The following PDZD2 variants were observed in gnomAD, a reference collection of about 807,000 sequenced individuals.
The protein encoded by PDZD2 is PDZ domain-containing protein 2.
Under a neutral mutation model 220.7 loss-of-function variants are expected in PDZD2, and 90 were observed. The ratio of observed to expected loss-of-function variants is 0.41; its 90% CI spans 0.34 to 0.49. The LOEUF (loss-of-function observed/expected upper bound fraction) is 0.49, where lower values mean the gene tolerates loss of function less well. Among genes scored for constraint, PDZD2 ranks in the 20% least tolerant of loss-of-function variants. PDZD2 has a pLI of 0.28. For missense variants in PDZD2, 3,174 were observed against 3,608.5 expected, an observed-to-expected ratio of 0.88 and a Z score of 3.08; for synonymous variants, 1,375 against 1,450.5, an observed-to-expected ratio of 0.95 and a Z score of 1.18.
rs552992061 is a variant in PDZD2 at position 31,929,441 on chromosome 5, C to T, written c.477-53714C>T. Reference sequence around the variant, plus strand: ...TAGATGCCAGCAGCAATGCCCCACCCATCCTAGTTGTGACAGTTTAAAATA... The same window carrying T: ...TAGATGCCAGCAGCAATGCCCCACCTATCCTAGTTGTGACAGTTTAAAATA... On this transcript the variant is annotated intron_variant, in intron 2 of 24. Coordinates refer to ENST00000438447, the MANE Select transcript of PDZD2 (RefSeq NM_178140.4). Among the ~76,000 whole-genome samples, 82 of 152,360 alleles carry T rather than the reference C, an allele frequency of 5.4e-4. 3 individuals are homozygous for T. The highest frequency in any genetic ancestry group is 7.2e-4 in the Admixed American group (11 of 15,306).
intron 14 of PDZD2, among the ~76,000 whole-genome samples, chr5:32,061,586 A>T (rs2112346050): frequency 6.6e-6 from 1 of 152,280 alleles, no homozygotes; most frequent in African/African-American, 2.4e-5. Flanking sequence ...TTTATTTTTA[A>T]AACAGTTTCA....
At chr5:31,779,146 C>T (rs747604226) in intron 1 of PDZD2, among the ~76,000 whole-genome samples, 45 of 152,064 alleles carry the variant, frequency 3.0e-4, no homozygotes, top group Non-Finnish European at 5.7e-4. Flanking sequence ...CAAACTACAC[C>T]TGTACACTAA....
Position 32,108,633 on chromosome 5 carries a change from G to A in PDZD2, c.*498G>A, listed in dbSNP as rs896956075. 6.5e-6 allele frequency: 1 copy of A among 152,870 alleles called. No individual in the cohort carries two copies. The highest frequency in any genetic ancestry group is 2.4e-5 in the African/African-American group (1 of 41,432). The allele number at this position is 152,870 out of a possible 1,614,324, so 9.5% of individuals were successfully genotyped here. Reference sequence around the variant, plus strand: ...GGCACATTCAATGGAAGGAGGAGATGTAGGTCTGTATATGTTACCCTGAAA... The same window carrying A: ...GGCACATTCAATGGAAGGAGGAGATATAGGTCTGTATATGTTACCCTGAAA... On this transcript the variant is annotated 3_prime_UTR_variant, in exon 25 of 25. Coordinates refer to ENST00000438447, the MANE Select transcript of PDZD2 (RefSeq NM_178140.4).
At chr5:31,852,303 CTG>C (rs1382018349) in intron 2 of PDZD2, among the ~76,000 whole-genome samples, 10 of 151,852 alleles carry the variant, frequency 6.6e-5, no homozygotes, top group African/African-American at 2.4e-4. Flanking sequence ...ATTTTTGAGA[CTG>C]AGCATTGCTG....
intron 5 of PDZD2, among the ~76,000 whole-genome samples, chr5:32,001,046 G>A (rs908079354): frequency 2.6e-5 from 4 of 152,306 alleles, no homozygotes; most frequent in Non-Finnish European, 5.9e-5. Context: ...GGTTGCACGC[G>A]TCTTATGAGA....
At chr5:31,856,129 G>GTT (rs538172751) in intron 2 of PDZD2, among the ~76,000 whole-genome samples, 1 of 152,182 alleles carries the variant, frequency 6.6e-6, no homozygotes, top group Non-Finnish European at 1.5e-5. Context: ...CTCTTACACT[G>GTT]TTTTGTAACT....
chr5:31,831,912 A>C (rs1466056086), intron 2 of PDZD2, among the ~76,000 whole-genome samples: 1 of 48,964 alleles, frequency 2.0e-5, no homozygotes, highest in South Asian at 4.8e-4. Context: ...AGACTGTTTC[A>C]AAAAAAAAAA....
At chr5:31,923,289 A>G (rs1235266453) in intron 2 of PDZD2, 8 of 590,018 alleles carry the variant, frequency 1.4e-5, no homozygotes, top group Non-Finnish European at 2.1e-5. Context: ...AAGTAAAAAT[A>G]AAAATAACTT....
chr5:31,818,835 G>A (rs1318517484), intron 2 of PDZD2, among the ~76,000 whole-genome samples: 1 of 152,102 alleles, frequency 6.6e-6, no homozygotes, highest in Non-Finnish European at 1.5e-5. Context: ...TTTATGTTAA[G>A]ATCTAGTCTG....
intron 2 of PDZD2, among the ~76,000 whole-genome samples, chr5:31,884,977 G>A (rs1322349201): frequency 6.6e-6 from 1 of 152,016 alleles, no homozygotes; most frequent in African/African-American, 2.4e-5. Flanking sequence ...CTACCACATT[G>A]TTTGTGGGAC....
chr5:32,022,417 G>A (rs36033547), intron 6 of PDZD2, among the ~76,000 whole-genome samples: 6,836 of 150,310 alleles, frequency 0.045, 247 homozygotes, highest in Non-Finnish European at 0.068. Flanking sequence ...ATGTTGCCCA[G>A]GCTGATCTCG....
intron 1 of PDZD2, among the ~76,000 whole-genome samples, chr5:31,717,689 A>G (rs34265014): frequency 0.044 from 6,711 of 152,250 alleles, 190 homozygotes; most frequent in Non-Finnish European, 0.062. Context: ...AGGCCTGGTT[A>G]GAGTGGGACG....
At chr5:32,105,196 G>C (rs1157642761) in intron 24 of PDZD2, among the ~76,000 whole-genome samples, 1 of 152,112 alleles carries the variant, frequency 6.6e-6, no homozygotes, top group South Asian at 2.1e-4. Flanking sequence ...ATATAATTCA[G>C]TAAGAAAAAT....
At chr5:31,764,782 A>C (rs1405766264) in intron 1 of PDZD2, among the ~76,000 whole-genome samples, 1 of 152,152 alleles carries the variant, frequency 6.6e-6, no homozygotes, top group African/African-American at 2.4e-5. Context: ...ATTGCTTCAG[A>C]ATTGCCCAAA....
At chr5:31,663,777 C>G (rs547779980) in intron 1 of PDZD2, among the ~76,000 whole-genome samples, 1 of 152,330 alleles carries the variant, frequency 6.6e-6, no homozygotes, top group East Asian at 1.9e-4. Context: ...AGGATGGTCA[C>G]TGCTGTCGTA....
chr5:32,088,850 G>T lies in PDZD2; in HGVS notation c.5402G>T (p.Trp1801Leu). The T allele has an allele frequency of 6.2e-7, 1 of 1,614,024 alleles. No homozygotes were observed. The highest frequency in any genetic ancestry group is 1.1e-5 in the South Asian group (1 of 91,062). ...ATCGCTAGGAGGCCCATCATGGCCTGGTTTAAAGAAATAAATAAACATAAC... is the reference window on the plus strand; with the variant it reads ...ATCGCTAGGAGGCCCATCATGGCCTTGTTTAAAGAAATAAATAAACATAAC... ...KMIARRPIMA[W>L]FKEINKHNQG... The change falls in exon 20 of 25, where the codon TGG becomes TTG. Residue 1801 changes from tryptophan (W) to leucine (L), a missense_variant. Coordinates refer to ENST00000438447, the MANE Select transcript of PDZD2 (RefSeq NM_178140.4). This position sits in a 1 kb window ranked among gnomAD's most constrained non-coding sequence, Gnocchi z 4.6.
intron 1 of PDZD2, among the ~76,000 whole-genome samples, chr5:31,765,574 T>A (rs1262349393): frequency 6.6e-6 from 1 of 152,142 alleles, no homozygotes; most frequent in Non-Finnish European, 1.5e-5. Context: ...TGGGGAATAA[T>A]GGAAGTGAGA....
chr5:31,708,844 TC>T (rs1747944236), intron 1 of PDZD2, among the ~76,000 whole-genome samples: 1 of 152,026 alleles, frequency 6.6e-6, no homozygotes, highest in African/African-American at 2.4e-5. Flanking sequence ...GCAACTTGGA[TC>T]TTGATGGCCT....
At chr5:31,659,843 C>T (rs1006948087) in intron 1 of PDZD2, among the ~76,000 whole-genome samples, 2 of 152,258 alleles carry the variant, frequency 1.3e-5, no homozygotes, top group Admixed American at 6.5e-5. Context: ...GTTGGAGGAC[C>T]GATGTTACAA....
Sources: allele counts gnomAD v4.1 joint callset (sites outside exome capture counted in the v4.1 genomes callset), GRCh38; gene constraint gnomAD v4.1.1; non-coding constraint Gnocchi (gnomAD v3.1); transcripts MANE v1.5; gene names NCBI Gene and HGNC (gene_info 2026-07-23, HGNC 2026-07-21).